The following NSD3 variants were observed in gnomAD, a reference collection of about 807,000 sequenced individuals.
NSD3 encodes nuclear receptor binding SET domain protein 3.
A neutral mutation model predicts 160.8 loss-of-function variants in NSD3; 24 were observed. The observed-to-expected ratio is 0.15, with a 90% CI of 0.11 to 0.21. The LOEUF is 0.21. Among genes scored for constraint, NSD3 ranks in the 10% least tolerant of loss-of-function variants. The pLI, the probability that NSD3 is intolerant of heterozygous loss-of-function variation, is 1.00. For missense variants in NSD3, 1,157 were observed against 1,735.9 expected (o/e 0.67, Z 5.93); for synonymous variants, 520 against 600.0 (o/e 0.87, Z 1.95).
chr8:38,332,323 G>C (rs932531661), intron 4 of NSD3, among the ~76,000 whole-genome samples: 1 of 151,508 alleles, frequency 6.6e-6, no homozygotes, highest in Admixed American at 6.6e-5. Flanking sequence ...TTTAAACTGA[G>C]ATGGGGTCTT....
intron 2 of NSD3, among the ~76,000 whole-genome samples, chr8:38,346,123 T>G (rs1438776565): frequency 1.3e-5 from 2 of 151,366 alleles, no homozygotes; most frequent in Non-Finnish European, 2.9e-5. Context: ...TCTAAAGCTA[T>G]GAGAACTTAT....
chr8:38,381,736 G>A lies in NSD3; in HGVS notation c.-45+63C>T, dbSNP rs182837339. On this transcript the variant is annotated intron_variant, in intron 1 of 23. Coordinates refer to ENST00000317025, the MANE Select transcript of NSD3 (RefSeq NM_023034.2). ...CTCAGCCCTTCCTAGCACTACACACGCGCGCGCGCGCACACACACACACAC... is the reference window on the plus strand; with the variant it reads ...CTCAGCCCTTCCTAGCACTACACACACGCGCGCGCGCACACACACACACAC... 1.3e-3 allele frequency: 153 copies of A among 120,912 alleles called. 1 individual carries two copies. Among genetic ancestry groups the A allele is most frequent in the East Asian group, 4.9e-3 (21 of 4,324 alleles). The allele number at this position is 120,912 out of a possible 1,614,324, so 7.5% of individuals were successfully genotyped here.
intron 12 of NSD3, among the ~76,000 whole-genome samples, chr8:38,306,892 A>T (rs1353983158): frequency 6.6e-6 from 1 of 152,146 alleles, no homozygotes; most frequent in Non-Finnish European, 1.5e-5. Context: ...AGGCGGGTGG[A>T]TCACAAGGTC....
rs1233234651 is a variant in NSD3 at position 38,317,312 on chromosome 8, A to T, written c.1856-1270T>A. ...CCCATGTTAATGCTGATTAAAAAAC[A>T]CAAGTACACAAATCTATCTCCTTCA... On this transcript the variant is annotated intron_variant, in intron 9 of 23. Transcript: ENST00000317025. The surrounding 1 kb of genome is among the most constrained non-coding windows in gnomAD (Gnocchi z 5.3). The T allele has an allele frequency of 5.7e-6, 6 of 1,058,588 alleles. No homozygotes were observed. 65.6% of individuals were successfully genotyped at this position (1,058,588 alleles called of 1,614,324 possible).
In NSD3 at chr8:38,281,549, A is replaced by G; in HGVS notation, c.3536T>C (p.Ile1179Thr). 2.5e-6 allele frequency: 4 copies of G among 1,607,856 alleles called. No individual in the cohort carries two copies. Among genetic ancestry groups the G allele is most frequent in the Non-Finnish European group, 3.4e-6 (4 of 1,176,912 alleles). ...EFVNEYVGEL[I>T]DEEECRLRIK... is the part of the protein sequence containing the mutation. ...TCGCAATCTGCATTCTTCTTCATCA[A>G]TTAATTCACCGACGTATTCATTTAC... Residue 1179 changes from isoleucine to threonine, a missense_variant, in exon 20 of 24, where the codon ATT (isoleucine) becomes ACT (threonine). By Grantham distance (89) the Ile-to-Thr change is moderately conservative. This residue lies in a region of NSD3 where 222 missense variants were observed against 409.9 expected (regional missense o/e 0.54). Transcript: ENST00000317025.
intron 20 of NSD3, 42 bp from the exon 21 acceptor site, chr8:38,279,723 C>A (rs749197972): frequency 6.3e-7 from 1 of 1,589,470 alleles, no homozygotes; most frequent in Non-Finnish European, 8.6e-7. Context: ...TAAATTAAGT[C>A]TCTCCCAGAA....
At chr8:38,374,960 C>T (rs1332859485) in intron 1 of NSD3, among the ~76,000 whole-genome samples, 1 of 151,816 alleles carries the variant, frequency 6.6e-6, no homozygotes. Flanking sequence ...GCCGAGATCG[C>T]GCCCCTGCAC....
In NSD3 at chr8:38,271,122, G is replaced by T. The variant is rs1417828240; in HGVS notation, c.*4519C>A. The T allele has an allele frequency of 1.3e-5, 2 of 152,146 alleles. No individual in the cohort carries two copies. The highest frequency in any genetic ancestry group is 2.9e-5 in the Non-Finnish European group (2 of 68,028). The allele number at this position is 152,146 out of a possible 1,614,324, so 9.4% of individuals were successfully genotyped here. A position where few individuals can be genotyped will look rare whatever the true frequency, so the allele number is the denominator to read the frequency against. ...GTAAAAATGCTGGTATCTCATGCAG[G>T]AGTCTCTTCCTCAAATGTGTTCAAT... On this transcript the variant is annotated 3_prime_UTR_variant, in exon 24 of 24. Coordinates refer to ENST00000317025, the MANE Select transcript of NSD3 (RefSeq NM_023034.2).
chr8:38,306,886 G>A (rs956805708), intron 12 of NSD3, among the ~76,000 whole-genome samples: 6 of 152,064 alleles, frequency 3.9e-5, no homozygotes, highest in South Asian at 2.1e-4. Flanking sequence ...AGGCCAAGGC[G>A]GGTGGATCAC....
intron 12 of NSD3, among the ~76,000 whole-genome samples, chr8:38,309,411 T>C (rs1480354657): frequency 6.6e-6 from 1 of 152,120 alleles, no homozygotes; most frequent in Non-Finnish European, 1.5e-5. Context: ...GAGGTTGCAG[T>C]GAGCTGAGAT....
chr8:38,365,577 A>C (rs1811086653), intron 1 of NSD3, among the ~76,000 whole-genome samples: 1 of 152,124 alleles, frequency 6.6e-6, no homozygotes. Flanking sequence ...GGTTCAAGCG[A>C]TTCTCCTGCC....
At chr8:38,338,193 G>A (rs755364778) in intron 3 of NSD3, among the ~76,000 whole-genome samples, 2 of 151,898 alleles carry the variant, frequency 1.3e-5, no homozygotes, top group African/African-American at 4.8e-5. Context: ...CCAGCTATTC[G>A]GCAAGCTGAG....
Position 38,318,666 on chromosome 8 carries a change from C to T in NSD3, c.1855+229G>A, listed in dbSNP as rs962337328. ...AAAGTTGGAAACAGTATCAAGTCTA[C>T]GTTGTGTTCTCCAATTTACCAAAAC... On this transcript the variant is annotated intron_variant, in intron 9 of 23. Coordinates refer to ENST00000317025, the MANE Select transcript of NSD3 (RefSeq NM_023034.2). The surrounding 1 kb of genome is among the most constrained non-coding windows in gnomAD (Gnocchi z 5.3). Among the ~76,000 whole-genome samples, 6 of 152,114 alleles carry T rather than the reference C, an allele frequency of 3.9e-5. No individual in the cohort carries two copies. Among genetic ancestry groups the T allele is most frequent in the Non-Finnish European group, 5.9e-5 (4 of 68,026 alleles).
rs1251324676 is a variant in NSD3 at position 38,314,755 on chromosome 8, C to A, written c.2134G>T (p.Asp712Tyr). The A allele has an allele frequency of 2.5e-6, 4 of 1,614,020 alleles. No homozygotes were observed. The highest frequency in any genetic ancestry group is 1.7e-5 in the Admixed American group (1 of 60,002). ...TVCQICESSG[D>Y]SLIPCEGECC... ...TCTCCCTCACAAGGAATCAGAGAGT[C>A]ACCAGAGCTTTCACAAATCTGTAAT... The change falls in exon 12 of 24, where the codon GAC becomes TAC. Residue 712 changes from aspartate (D) to tyrosine (Y), a missense_variant. Around this residue, in one of 10 missense-constraint regions of NSD3, gnomAD observed 437 missense variants for 576.6 expected, o/e 0.76. Coordinates refer to ENST00000317025, the MANE Select transcript of NSD3 (RefSeq NM_023034.2).
At chr8:38,287,932 A>G (rs1176219811) in intron 19 of NSD3, among the ~76,000 whole-genome samples, 1 of 152,106 alleles carries the variant, frequency 6.6e-6, no homozygotes, top group Non-Finnish European at 1.5e-5. Flanking sequence ...AAAGGTAGAA[A>G]AATGTCAAGA....
chr8:38,304,457 G>GT (rs76177635), intron 14 of NSD3, 130 bp downstream of exon 14: 175,987 of 783,824 alleles, frequency 0.22, 20,808 homozygotes, highest in East Asian at 0.31. Flanking sequence ...ATATATTACA[G>GT]TGGAATTCTG....
intron 12 of NSD3, among the ~76,000 whole-genome samples, chr8:38,308,488 G>T (rs1809458168): frequency 6.6e-6 from 1 of 152,080 alleles, no homozygotes; most frequent in Non-Finnish European, 1.5e-5. Context: ...TGACTTCACA[G>T]ATTGGTTTAA....
intron 4 of NSD3, among the ~76,000 whole-genome samples, chr8:38,336,838 T>C (rs1810229095): frequency 6.6e-6 from 1 of 152,204 alleles, no homozygotes; most frequent in Admixed American, 6.5e-5. Flanking sequence ...AGTATTTCAC[T>C]GGTTTTAAAA....
At chr8:38,284,152 G>A (rs1160454709) in intron 19 of NSD3, among the ~76,000 whole-genome samples, 1 of 152,150 alleles carries the variant, frequency 6.6e-6, no homozygotes, top group Non-Finnish European at 1.5e-5. Context: ...ACCATAAACA[G>A]TTAATTTCCT....
Sources: gnomAD v4.1 joint callset for allele counts (sites outside exome capture counted in the v4.1 genomes callset) on GRCh38, gnomAD v4.1.1 for gene constraint, gnomAD v4.1.1 regional missense constraint, Gnocchi (gnomAD v3.1) non-coding constraint, MANE v1.5 for transcripts, NCBI Gene and HGNC (gene_info 2026-07-23, HGNC 2026-07-21) for gene names.